The following ADAMTSL1 variants were observed in gnomAD, a reference collection of about 807,000 sequenced individuals.
ADAMTSL1 encodes ADAMTS-like protein 1.
Under a neutral mutation model 201.8 loss-of-function variants are expected in ADAMTSL1, and 126 were observed. The observed-to-expected ratio is 0.62, with a 90% CI of 0.54 to 0.72. The LOEUF (loss-of-function observed/expected upper bound fraction) is 0.72, where lower values mean the gene tolerates loss of function less well. Among genes scored for constraint, ADAMTSL1 ranks in the 30% least tolerant of loss-of-function variants. The probability of loss-of-function intolerance (pLI) is 0.00; values close to 1 mark genes in which losing one functional copy is unlikely to be tolerated. For missense variants in ADAMTSL1, 2,679 were observed against 2,277.8 expected (o/e 1.18, Z -3.59); for synonymous variants, 1,121 against 903.4 (o/e 1.24, Z -4.32).
In ADAMTSL1 at chr9:17,990,449, A is replaced by G. The variant is rs372348811; in HGVS notation, c.87+83527A>G. Among the ~76,000 whole-genome samples, 32 of 151,552 alleles carry G rather than the reference A, an allele frequency of 2.1e-4. No homozygotes were observed. In the East Asian group the frequency reaches 4.9e-3, roughly 23 times the overall value. ...AAAATAGTAACTAACTTATGCTAAG[A>G]CTCTCAGTGGCCATGAACTATTACT... On this transcript the variant is annotated intron_variant, in intron 1 of 29. Transcript: ENST00000680146.
intron 23 of ADAMTSL1, among the ~76,000 whole-genome samples, chr9:18,877,989 A>C (rs7047294): frequency 0.56 from 84,694 of 151,750 alleles, 23,941 homozygotes; most frequent in African/African-American, 0.63. Flanking sequence ...CAGGCCAACA[A>C]AGTTATATTC....
chr9:18,357,429 C>T (rs958512436), intron 2 of ADAMTSL1, among the ~76,000 whole-genome samples: 13 of 152,124 alleles, frequency 8.5e-5, no homozygotes, highest in African/African-American at 3.1e-4. Context: ...GATTGAATTC[C>T]TCTGTGGCAT....
intron 1 of ADAMTSL1, among the ~76,000 whole-genome samples, chr9:18,070,241 A>T (rs996674127): frequency 6.6e-6 from 1 of 152,180 alleles, no homozygotes; most frequent in African/African-American, 2.4e-5. Context: ...GAGGGAGGAA[A>T]ACATGTCCTG....
chr9:18,675,736 A>T, intron 9 of ADAMTSL1, 121 bp from the exon 10 acceptor site: 2 of 881,892 alleles, frequency 2.3e-6, no homozygotes, highest in Non-Finnish European at 3.6e-6. Context: ...GTTGTTTTAT[A>T]GATACAATTT....
chr9:18,454,902 A>G (rs1260267982), intron 2 of ADAMTSL1, among the ~76,000 whole-genome samples: 1 of 152,208 alleles, frequency 6.6e-6, no homozygotes, highest in Non-Finnish European at 1.5e-5. Flanking sequence ...TTCATAAACT[A>G]TGTATATTCT....
intron 13 of ADAMTSL1, among the ~76,000 whole-genome samples, chr9:18,705,873 C>T (rs1203967992): frequency 6.6e-6 from 1 of 152,156 alleles, no homozygotes. Flanking sequence ...TAAGAATAGC[C>T]AGCAACTTGC....
intron 1 of ADAMTSL1, among the ~76,000 whole-genome samples, chr9:18,031,478 T>C (rs1268377256): frequency 6.6e-6 from 1 of 152,164 alleles, no homozygotes; most frequent in Non-Finnish European, 1.5e-5. Flanking sequence ...TTTTGGGTGC[T>C]GAAGGAATTT....
At chr9:18,896,162 C>A (rs1829624573) in intron 26 of ADAMTSL1, among the ~76,000 whole-genome samples, 1 of 152,074 alleles carries the variant, frequency 6.6e-6, no homozygotes, top group South Asian at 2.1e-4. Context: ...AGATTATTTG[C>A]AGAAATAATG....
intron 1 of ADAMTSL1, among the ~76,000 whole-genome samples, chr9:17,966,578 G>T (rs1260436256): frequency 1.3e-5 from 2 of 152,070 alleles, no homozygotes; most frequent in African/African-American, 4.8e-5. Flanking sequence ...TGTGCATCCA[G>T]TGATAATATA....
chr9:18,158,178 A>G (rs557801976), intron 1 of ADAMTSL1, among the ~76,000 whole-genome samples: 1 of 152,050 alleles, frequency 6.6e-6, no homozygotes, highest in Admixed American at 6.6e-5. Context: ...GGGGTTGTTG[A>G]TACTCATGTT....
At chr9:18,369,686 A>G (rs937331617) in intron 2 of ADAMTSL1, among the ~76,000 whole-genome samples, 1 of 152,208 alleles carries the variant, frequency 6.6e-6, no homozygotes, top group African/African-American at 2.4e-5. Context: ...GTATCAAAAA[A>G]TACCCATGCT....
At chr9:18,440,067 G>A (rs1048278351) in intron 2 of ADAMTSL1, among the ~76,000 whole-genome samples, 10 of 152,164 alleles carry the variant, frequency 6.6e-5, no homozygotes, top group African/African-American at 2.2e-4. Context: ...GCTAACCACT[G>A]CAGACCCTGC....
At chr9:18,277,170 A>G (rs7023801) in intron 2 of ADAMTSL1, among the ~76,000 whole-genome samples, 3,132 of 152,270 alleles carry the variant, frequency 0.021, 109 homozygotes, top group African/African-American at 0.071. Flanking sequence ...CATATGATCT[A>G]TCCTGCATAA....
intron 2 of ADAMTSL1, among the ~76,000 whole-genome samples, chr9:18,258,895 T>C (rs996149156): frequency 3.9e-5 from 6 of 152,226 alleles, no homozygotes; most frequent in Non-Finnish European, 8.8e-5. Flanking sequence ...ATGAAATTGC[T>C]TCTGCGTAGG....
chr9:18,696,865 A>ATATTATTATTATTAT (rs142242579), intron 13 of ADAMTSL1, among the ~76,000 whole-genome samples: 36,009 of 141,994 alleles, frequency 0.25, 4,952 homozygotes, highest in South Asian at 0.36. Flanking sequence ...CATGTCAAAA[A>ATATTATTATTATTAT]TATTATTATT....
At chr9:18,309,391 C>A (rs1311410396) in intron 2 of ADAMTSL1, among the ~76,000 whole-genome samples, 2 of 152,130 alleles carry the variant, frequency 1.3e-5, no homozygotes, top group Non-Finnish European at 2.9e-5. Flanking sequence ...GAGAGGAAGT[C>A]AAATTGTCCC....
chr9:17,929,255 A>G (rs1271214670), intron 1 of ADAMTSL1, among the ~76,000 whole-genome samples: 2 of 151,996 alleles, frequency 1.3e-5, no homozygotes, highest in African/African-American at 4.8e-5. Flanking sequence ...TTACATCAGT[A>G]TTTCTCAGCC....
At chr9:18,121,340 C>T (rs1825488079) in intron 1 of ADAMTSL1, among the ~76,000 whole-genome samples, 1 of 152,126 alleles carries the variant, frequency 6.6e-6, no homozygotes, top group African/African-American at 2.4e-5. Context: ...AAAACTCAAA[C>T]TAATTTGTTT....
At chr9:18,310,973 G>C (rs1431858032) in intron 2 of ADAMTSL1, among the ~76,000 whole-genome samples, 1 of 152,150 alleles carries the variant, frequency 6.6e-6, no homozygotes, top group African/African-American at 2.4e-5. Context: ...ATCAGTGATA[G>C]ACTGGATTAA....
Sources: gnomAD v4.1 joint callset for allele counts (sites outside exome capture counted in the v4.1 genomes callset) on GRCh38, gnomAD v4.1.1 for gene constraint, MANE v1.5 for transcripts, NCBI Gene and HGNC (gene_info 2026-07-23, HGNC 2026-07-21) for gene names.